The following CCDC93 variants were observed in gnomAD, a reference collection of about 807,000 sequenced individuals.
CCDC93 encodes the protein coiled-coil domain-containing protein 93.
In CCDC93, 61 loss-of-function variants were observed where a neutral mutation model predicts 108.2. The ratio of observed to expected loss-of-function variants is 0.56; its 90% CI spans 0.46 to 0.70. The LOEUF (loss-of-function observed/expected upper bound fraction) is 0.70, where lower values mean the gene tolerates loss of function less well. CCDC93 is among the 30% of genes least tolerant of loss of function. CCDC93 has a pLI of 0.00. For missense variants in CCDC93, 685 were observed against 764.2 expected, an observed-to-expected ratio of 0.90 and a Z score of 1.22; for synonymous variants, 276 against 260.4, an observed-to-expected ratio of 1.06 and a Z score of -0.58.
chr2:117,997,202 T>A (rs892791265), intron 4 of CCDC93: 4 of 152,190 alleles, frequency 2.6e-5, no homozygotes, highest in Admixed American at 6.5e-5. Flanking sequence ...CCAGTTATTA[T>A]CATTAAAACA....
chr2:118,000,793 G>C lies in CCDC93; in HGVS notation c.363+28C>G, dbSNP rs777591240. ...CATCACAGGAATTCTGATGTTAAGA[G>C]GACAAGAAACCACACAGAGGCTCTC... On this transcript the variant is annotated intron_variant, in intron 4 of 23. Coordinates refer to ENST00000376300, the MANE Select transcript of CCDC93 (RefSeq NM_019044.5). 9 of 1,442,250 alleles carry C rather than the reference G, an allele frequency of 6.2e-6. No individual in the cohort carries two copies. The East Asian group carries it at 2.0e-4, about 33-fold the overall frequency. The allele number at this position is 1,442,250 out of a possible 1,614,324, so 89.3% of individuals were successfully genotyped here.
chr2:117,991,837 G>A (rs145654674), intron 6 of CCDC93, among the ~76,000 whole-genome samples: 24 of 152,266 alleles, frequency 1.6e-4, no homozygotes, highest in Non-Finnish European at 3.2e-4. Context: ...TTTCCTTGAG[G>A]AGCATGACAA....
intron 12 of CCDC93, 95 bp downstream of exon 12, chr2:117,958,270 C>T: frequency 2.6e-6 from 2 of 762,194 alleles, no homozygotes; most frequent in Non-Finnish European, 4.6e-6. Context: ...CTGGACTGGC[C>T]CAAGCACCAC....
chr2:117,961,592 T>C (rs898369254), intron 11 of CCDC93, among the ~76,000 whole-genome samples: 3 of 152,172 alleles, frequency 2.0e-5, no homozygotes, highest in Admixed American at 2.0e-4. Flanking sequence ...TATTAAGCAA[T>C]CTAAATTTTT....
intron 11 of CCDC93, among the ~76,000 whole-genome samples, chr2:117,967,529 G>A (rs1004382154): frequency 6.6e-6 from 1 of 152,220 alleles, no homozygotes; most frequent in Non-Finnish European, 1.5e-5. Flanking sequence ...TAGTGGGACA[G>A]TCTAAGGAGG....
intron 23 of CCDC93, among the ~76,000 whole-genome samples, chr2:117,922,083 C>G (rs867408807): frequency 6.6e-6 from 1 of 152,118 alleles, no homozygotes; most frequent in South Asian, 2.1e-4. Flanking sequence ...ATACTACACT[C>G]TCTACTTGTA....
intron 12 of CCDC93, 38 bp from the exon 13 acceptor site, chr2:117,952,473 A>G: frequency 7.2e-7 from 1 of 1,397,500 alleles, no homozygotes; most frequent in Non-Finnish European, 1.0e-6. Flanking sequence ...CTCTCATTTG[A>G]TCCTTATGAC....
chr2:117,948,237 T>A, intron 14 of CCDC93, 51 bp from the exon 15 acceptor site: 1 of 1,386,340 alleles, frequency 7.2e-7, no homozygotes, highest in Non-Finnish European at 1.0e-6. Context: ...TATGATTTTA[T>A]GAATCGCAGC....
rs375076001 is a variant in CCDC93 at position 117,974,837 on chromosome 2, G to T, written c.801+13C>A. ...CAAGTCCCCATCCCCACACCTCCCC[G>T]ACTCCCACTCACCTCCTCATTTGCC... On this transcript the variant is annotated intron_variant, in intron 10 of 23. Coordinates refer to ENST00000376300, the MANE Select transcript of CCDC93 (RefSeq NM_019044.5). The T allele has an allele frequency of 6.4e-7, 1 of 1,565,790 alleles. No homozygotes were observed. The highest frequency in any genetic ancestry group is 8.7e-7 in the Non-Finnish European group (1 of 1,153,590).
At chr2:117,982,780 C>T (rs1680189494) in intron 7 of CCDC93, among the ~76,000 whole-genome samples, 1 of 150,776 alleles carries the variant, frequency 6.6e-6, no homozygotes, top group South Asian at 2.1e-4. Flanking sequence ...GTGAGGAAGT[C>T]AGGAATGCCG....
In CCDC93 at chr2:117,941,101, G is replaced by A. The variant is rs544033171; in HGVS notation, c.1522+88C>T. 3.3e-6 allele frequency: 3 copies of A among 913,970 alleles called. No homozygotes were observed. The South Asian group carries it at 4.2e-5, about 13-fold the overall frequency. The allele number at this position is 913,970 out of a possible 1,614,324, so 56.6% of individuals were successfully genotyped here. ...TGGTGGCCTTTGTGGACTGTGCTCT[G>A]GTGCATGCTCCCCCATGCTAAAGTG... On this transcript the variant is annotated intron_variant, in intron 19 of 23. Coordinates refer to ENST00000376300, the MANE Select transcript of CCDC93 (RefSeq NM_019044.5).
intron 22 of CCDC93, among the ~76,000 whole-genome samples, chr2:117,933,260 A>G (rs1483178510): frequency 6.6e-6 from 1 of 152,206 alleles, no homozygotes; most frequent in Non-Finnish European, 1.5e-5. Context: ...CTGCTCAATA[A>G]AGACCATTTT....
intron 12 of CCDC93, among the ~76,000 whole-genome samples, chr2:117,956,531 C>A (rs7578191): frequency 0.37 from 55,522 of 151,986 alleles, 10,930 homozygotes; most frequent in African/African-American, 0.49. Context: ...GATAAAGACA[C>A]CATAATAAGG....
chr2:117,984,860 C>T (rs72838026), intron 7 of CCDC93, among the ~76,000 whole-genome samples: 4,765 of 152,228 alleles, frequency 0.031, 90 homozygotes, highest in Non-Finnish European at 0.049. Context: ...GCACACAACC[C>T]GTCCACTAGC....
intron 7 of CCDC93, 73 bp downstream of exon 7, chr2:117,985,896 G>T: frequency 1.1e-6 from 1 of 908,140 alleles, no homozygotes; most frequent in Non-Finnish European, 1.8e-6. Context: ...AGCTAGTCAA[G>T]TTAATCCAAA....
chr2:117,964,850 G>A (rs1227002952), intron 11 of CCDC93, among the ~76,000 whole-genome samples: 5 of 152,108 alleles, frequency 3.3e-5, no homozygotes, highest in African/African-American at 7.2e-5. Flanking sequence ...CGATCCTCTC[G>A]CCTCAGGCTC....
chr2:118,002,717 G>A (rs1258915919), intron 3 of CCDC93, among the ~76,000 whole-genome samples: 1 of 152,118 alleles, frequency 6.6e-6, no homozygotes, highest in East Asian at 1.9e-4. Context: ...CCTAACAGAG[G>A]AAGGGGTGAA....
intron 6 of CCDC93, among the ~76,000 whole-genome samples, chr2:117,991,202 TAAC>T (rs1224253934): frequency 6.6e-6 from 1 of 152,126 alleles, no homozygotes; most frequent in African/African-American, 2.4e-5. Flanking sequence ...ATCAAAAAGA[TAAC>T]AACAGGACAG....
At chr2:117,936,661 C>A (rs1678535707) in intron 21 of CCDC93, 41 bp downstream of exon 21, 1 of 1,556,014 alleles carries the variant, frequency 6.4e-7, no homozygotes, top group African/African-American at 1.4e-5. Flanking sequence ...AAAGCGCAGG[C>A]CGGCAGGGTA....
Sources: gnomAD v4.1 joint callset for allele counts (sites outside exome capture counted in the v4.1 genomes callset) on GRCh38, gnomAD v4.1.1 for gene constraint, MANE v1.5 for transcripts, NCBI Gene and HGNC (gene_info 2026-07-23, HGNC 2026-07-21) for gene names.